Variants in CBL observed in about 807,000 individuals in gnomAD.
The protein encoded by CBL is Cbl proto-oncogene.
Under a neutral mutation model 96.9 loss-of-function variants are expected in CBL, and 45 were observed. The observed-to-expected ratio is 0.46, with a 90% CI of 0.37 to 0.60. CBL has a LOEUF of 0.60. Among genes scored for constraint, CBL ranks in the 20% least tolerant of loss-of-function variants. The pLI, the probability that CBL is intolerant of heterozygous loss-of-function variation, is 0.00. For synonymous variants in CBL, 420 were observed against 426.8 expected, an observed-to-expected ratio of 0.98 and a Z score of 0.20; for missense variants, 1,024 against 1,143.5, an observed-to-expected ratio of 0.90 and a Z score of 1.51.
rs1592364794 is a variant in CBL at position 119,206,696 on chromosome 11, C to T, written c.195+84C>T. ...GAGGGGAACGAGCGGACGGAGGAAG[C>T]GGGGGAGGGGACGGGTCTGGTGAAG... is the stretch of plus-strand genomic sequence containing the variant. On this transcript the variant is annotated intron_variant, in intron 1 of 15. Transcript: ENST00000264033. 9.6e-6 allele frequency: 8 copies of T among 832,456 alleles called. No homozygotes were observed. The East Asian group carries it at 8.0e-4, about 83-fold the overall frequency. The allele number at this position is 832,456 out of a possible 1,614,324, so 51.6% of individuals were successfully genotyped here.
At chr11:119,292,386 T>TC (rs1221915890) in intron 12 of CBL, among the ~76,000 whole-genome samples, 3 of 148,546 alleles carry the variant, frequency 2.0e-5, no homozygotes, top group Non-Finnish European at 3.0e-5. Context: ...TTTTTTTTTT[T>TC]CCATTATTTT....
At chr11:119,271,655 A>G (rs1949849661) in intron 2 of CBL, 80 bp from the exon 3 acceptor site, 8 of 1,137,954 alleles carry the variant, frequency 7.0e-6, no homozygotes, top group Admixed American at 1.8e-5. Flanking sequence ...TGTTAATTAT[A>G]CATCTTGTAT....
rs1950086093 is a variant in CBL at position 119,299,569 on chromosome 11, G to A, written c.2509G>A (p.Ala837Thr). 1.9e-6 allele frequency: 3 copies of A among 1,614,186 alleles called. No individual in the cohort carries two copies. Among genetic ancestry groups the A allele is most frequent in the Non-Finnish European group, 2.5e-6 (3 of 1,180,042 alleles). The change falls in exon 16 of 16, where the codon GCT becomes ACT. Residue 837 changes from alanine (A) to threonine (T), a missense_variant. Ala to Thr is a moderately conservative substitution (Grantham distance 58). Coordinates refer to ENST00000264033, the MANE Select transcript of CBL (RefSeq NM_005188.4). ...FPRRINSERKAGSCQQGSGPA... is the reference protein window; with the variant it reads ...FPRRINSERKTGSCQQGSGPA... ...GCGGAGAATCAACTCTGAACGGAAA[G>A]CTGGCAGCTGTCAGCAAGGTAGTGG...
chr11:119,255,850 T>C (rs1949707128), intron 2 of CBL, among the ~76,000 whole-genome samples: 1 of 152,030 alleles, frequency 6.6e-6, no homozygotes, highest in Admixed American at 6.6e-5. Flanking sequence ...TATTTAATGG[T>C]TATTGTTTTA....
chr11:119,288,476 C>CAGAG lies in CBL; in HGVS notation c.2036+545_2036+548dup, dbSNP rs61294763. On this transcript the variant is annotated intron_variant, in intron 12 of 15. Transcript: ENST00000264033. ...TGGCCATCCTCAGTGTTTGCACAGA[C>CAGAG]AGAGAGAGAGAGAGAGAGCACGCAC... is the stretch of plus-strand genomic sequence containing the variant. Among the ~76,000 whole-genome samples, 321 of 150,802 alleles carry CAGAG rather than the reference C, an allele frequency of 2.1e-3. 2 individuals are homozygous for CAGAG. The highest frequency in any genetic ancestry group is 7.0e-3 in the African/African-American group (286 of 41,128).
At chr11:119,209,159 ATC>A (rs1565852414) in intron 1 of CBL, among the ~76,000 whole-genome samples, 1 of 152,136 alleles carries the variant, frequency 6.6e-6, no homozygotes, top group Non-Finnish European at 1.5e-5. Flanking sequence ...AGATTGCACC[ATC>A]TCTTTTACCC....
At chr11:119,283,630 T>C (rs1016430141) in intron 9 of CBL, among the ~76,000 whole-genome samples, 2 of 49,190 alleles carry the variant, frequency 4.1e-5, no homozygotes, top group Admixed American at 1.6e-4. Flanking sequence ...TCTTTCTTTT[T>C]TTTTTTTTTT....
chr11:119,245,956 CTTTTTTTTTTTTTTTTTTTTTTT>C (rs71048054), intron 2 of CBL, among the ~76,000 whole-genome samples: 2 of 54,284 alleles, frequency 3.7e-5, no homozygotes, highest in African/African-American at 1.3e-4. Flanking sequence ...CTTTGCAAAT[CTTTTTTTTTTTTTTTTTTTTTTT>C]TTTTTTTTTT....
At chr11:119,219,753 A>C (rs79586070) in intron 1 of CBL, among the ~76,000 whole-genome samples, 1 of 150,286 alleles carries the variant, frequency 6.7e-6, no homozygotes, top group South Asian at 2.1e-4. Context: ...GTGCGATTTC[A>C]GCTCACTGCA....
At position 119,300,497 on chromosome 11, in the gene CBL, T is replaced by TTG; in HGVS notation, c.*723_*724dup. 1 of 401,616 alleles carries TTG rather than the reference T, an allele frequency of 2.5e-6. No individual in the cohort carries two copies. Among genetic ancestry groups the TTG allele is most frequent in the Non-Finnish European group, 4.4e-6 (1 of 227,682 alleles). The allele number at this position is 401,616 out of a possible 1,614,324, so 24.9% of individuals were successfully genotyped here. On this transcript the variant is annotated 3_prime_UTR_variant, in exon 16 of 16. Transcript: ENST00000264033. ...CAAGCAGCTTATGGGATGTTCTTTA[T>TTG]TGTGTGTGATGGTATTGGTTTGTTT...
Position 119,285,254 on chromosome 11 carries a change from A to C in CBL, c.1629A>C (p.Pro543=), listed in dbSNP as rs558577411. 6.2e-7 allele frequency: 1 copy of C among 1,614,012 alleles called. No homozygotes were observed. The highest frequency in any genetic ancestry group is 1.3e-5 in the African/African-American group (1 of 74,984). Residue 543 remains proline, a synonymous_variant, in exon 11 of 16, where the codon CCA becomes CCC. Coordinates refer to ENST00000264033, the MANE Select transcript of CBL (RefSeq NM_005188.4). Reference sequence around the variant, plus strand: ...TACCTCCCACACTTCGAGATCTTCCACCACCACCGCCTCCAGACCGGCCAT... The same window carrying C: ...TACCTCCCACACTTCGAGATCTTCCCCCACCACCGCCTCCAGACCGGCCAT... ...LPVPPTLRDL[P]PPPPPDRPYS...
At chr11:119,234,417 A>G (rs1428035882) in intron 2 of CBL, among the ~76,000 whole-genome samples, 1 of 152,180 alleles carries the variant, frequency 6.6e-6, no homozygotes, top group Non-Finnish European at 1.5e-5. Context: ...AGATTTTGTA[A>G]CTTTTGTTAA....
chr11:119,216,243 A>G (rs1004295571), intron 1 of CBL, among the ~76,000 whole-genome samples: 2 of 152,214 alleles, frequency 1.3e-5, no homozygotes, highest in African/African-American at 2.4e-5. Context: ...TGGATCTGCC[A>G]TGGAGGAAGG....
At chr11:119,214,378 T>C (rs1949341489) in intron 1 of CBL, among the ~76,000 whole-genome samples, 1 of 151,954 alleles carries the variant, frequency 6.6e-6, no homozygotes, top group Non-Finnish European at 1.5e-5. Flanking sequence ...GCCTCCCAAG[T>C]AGTTGGGATT....
Position 119,305,121 on chromosome 11 carries a change from ACTC to A in CBL, c.*5343_*5345del, listed in dbSNP as rs898481964. The A allele has an allele frequency of 8.2e-4, 182 of 222,092 alleles. No individual in the cohort carries two copies. Among genetic ancestry groups the A allele is most frequent in the African/African-American group, 3.7e-3 (166 of 44,750 alleles). 13.8% of individuals were successfully genotyped at this position (222,092 alleles called of 1,614,324 possible). The stretch of plus-strand genomic sequence containing the variant: ...CTTCTACTCAAGAAGTAAAGCCACT[ACTC>A]CTGCCTTTTTGCTTAGTGGACAGGA... On this transcript the variant is annotated 3_prime_UTR_variant, in exon 16 of 16. Transcript: ENST00000264033.
At chr11:119,253,452 A>G (rs1235088488) in intron 2 of CBL, among the ~76,000 whole-genome samples, 2 of 2,234 alleles carry the variant, frequency 9.0e-4, no homozygotes, top group Non-Finnish European at 1.5e-3. Context: ...CCTCATCTCA[A>G]AAAAAAAAAA....
At chr11:119,232,310 A>T in intron 1 of CBL, 138 bp from the exon 2 acceptor site, 1 of 920,148 alleles carries the variant, frequency 1.1e-6, no homozygotes, top group South Asian at 1.5e-5. Context: ...CAATGGGGTT[A>T]TGGATCTGCT....
chr11:119,246,793 C>T (rs1003969269), intron 2 of CBL, among the ~76,000 whole-genome samples: 1 of 152,160 alleles, frequency 6.6e-6, no homozygotes, highest in African/African-American at 2.4e-5. Flanking sequence ...TGTGCAACTG[C>T]TTCAATTAAC....
chr11:119,217,684 C>T (rs928394154), intron 1 of CBL, among the ~76,000 whole-genome samples: 13 of 151,720 alleles, frequency 8.6e-5, no homozygotes, highest in Non-Finnish European at 1.6e-4. Flanking sequence ...ATAAGCTTGG[C>T]GGATTTTTTT....
Sources: gnomAD v4.1 joint callset for allele counts (sites outside exome capture counted in the v4.1 genomes callset) on GRCh38, gnomAD v4.1.1 for gene constraint, MANE v1.5 for transcripts, NCBI Gene and HGNC (gene_info 2026-07-23, HGNC 2026-07-21) for gene names.